Variants in GRIN2A observed in about 807,000 individuals in gnomAD.
GRIN2A encodes the protein glutamate receptor ionotropic, NMDA 2A.
GRIN2A carries 22 observed loss-of-function variants against 113.4 expected under a neutral mutation model. The ratio of observed to expected loss-of-function variants is 0.19; its 90% CI spans 0.14 to 0.28. The LOEUF is 0.28. GRIN2A is among the 10% of genes least tolerant of loss of function. GRIN2A has a pLI of 1.00. For missense variants in GRIN2A, 1,502 were observed against 1,887.0 expected, an observed-to-expected ratio of 0.80 and a Z score of 3.78; for synonymous variants, 827 against 738.4, an observed-to-expected ratio of 1.12 and a Z score of -1.94.
At chr16:10,171,300 G>T (rs1070502) in intron 2 of GRIN2A, among the ~76,000 whole-genome samples, 93,860 of 152,062 alleles carry the variant, frequency 0.62, 29,307 homozygotes, top group Non-Finnish European at 0.65. Flanking sequence ...AACAAATACC[G>T]TTGGAGCTGC....
chr16:10,072,415 C>G (rs2047772032), intron 2 of GRIN2A, among the ~76,000 whole-genome samples: 1 of 152,244 alleles, frequency 6.6e-6, no homozygotes, highest in Non-Finnish European at 1.5e-5. Context: ...TCCGATGCCT[C>G]TCAGCTTTGG....
At chr16:10,147,994 T>C (rs1300710250) in intron 2 of GRIN2A, among the ~76,000 whole-genome samples, 2 of 152,196 alleles carry the variant, frequency 1.3e-5, no homozygotes, top group Non-Finnish European at 2.9e-5. Flanking sequence ...GCATCAGACA[T>C]AATGGAGAAT....
rs551088461 is a variant in GRIN2A, at chr16:10,126,338, T to A, written c.414+53660A>T. ...ACCACACCTGGCTCATTTAAAAAAA[T>A]TATTTTTTGTAGAGAGGGGGGTCTC... On this transcript the variant is annotated intron_variant, in intron 2 of 12. Coordinates refer to ENST00000330684, the MANE Select transcript of GRIN2A (RefSeq NM_001134407.3). Among the ~76,000 whole-genome samples the A allele has an allele frequency of 5.8e-4, 88 of 151,914 alleles. 2 individuals carry two copies. The South Asian group carries it at 0.015, about 26-fold the overall frequency.
At position 10,112,028 on chromosome 16, in the gene GRIN2A, G is replaced by A. The variant is rs535263789; in HGVS notation, c.414+67970C>T. On this transcript the variant is annotated intron_variant, in intron 2 of 12. Coordinates refer to ENST00000330684, the MANE Select transcript of GRIN2A (RefSeq NM_001134407.3). Reference sequence around the variant, plus strand: ...TGCCTGTGGTCAATGATCGCCATGAGCTAGTGGCCATCGTCTCCCACACCA... The same window carrying A: ...TGCCTGTGGTCAATGATCGCCATGAACTAGTGGCCATCGTCTCCCACACCA... 36 of 640,370 alleles carry A rather than the reference G, an allele frequency of 5.6e-5. No individual in the cohort carries two copies. In the African/African-American group the frequency reaches 6.3e-4, roughly 11 times the overall value. 39.7% of individuals were successfully genotyped at this position (640,370 alleles called of 1,614,324 possible).
Position 10,064,025 on chromosome 16 carries a change from G to C in GRIN2A, c.414+115973C>G, listed in dbSNP as rs147994566. Among the ~76,000 whole-genome samples, 227 of 152,238 alleles carry C rather than the reference G, an allele frequency of 1.5e-3. 3 individuals carry two copies. Among genetic ancestry groups the C allele is most frequent in the African/African-American group, 5.3e-3 (221 of 41,530 alleles). Reference sequence around the variant, plus strand: ...ATGGTGAGAACAATAGGATTGTTCTGTTCTGCTTTATTCGAATCATACTGA... The same window carrying C: ...ATGGTGAGAACAATAGGATTGTTCTCTTCTGCTTTATTCGAATCATACTGA... On this transcript the variant is annotated intron_variant, in intron 2 of 12. Coordinates refer to ENST00000330684, the MANE Select transcript of GRIN2A (RefSeq NM_001134407.3).
At chr16:9,787,132 A>G (rs1449468012) in intron 11 of GRIN2A, among the ~76,000 whole-genome samples, 1 of 152,160 alleles carries the variant, frequency 6.6e-6, no homozygotes, top group East Asian at 1.9e-4. Flanking sequence ...TGCATCTTAT[A>G]TATATATTCT....
intron 2 of GRIN2A, among the ~76,000 whole-genome samples, chr16:10,154,221 C>G (rs928563017): frequency 6.6e-6 from 1 of 152,124 alleles, no homozygotes; most frequent in Admixed American, 6.6e-5. Flanking sequence ...ACAAGTGAGG[C>G]GATATGGCGC....
At chr16:9,818,799 G>A (rs1002731497) in intron 10 of GRIN2A, among the ~76,000 whole-genome samples, 1 of 152,140 alleles carries the variant, frequency 6.6e-6, no homozygotes, top group Non-Finnish European at 1.5e-5. Flanking sequence ...ATGCACTGAT[G>A]GGGTAAGTAT....
intron 11 of GRIN2A, among the ~76,000 whole-genome samples, chr16:9,770,486 T>C (rs1901203129): frequency 1.3e-5 from 2 of 152,246 alleles, no homozygotes; most frequent in Non-Finnish European, 2.9e-5. Flanking sequence ...TATTTTTCCT[T>C]GACCTTTTGG....
chr16:9,919,104 C>T (rs189729397), intron 3 of GRIN2A, among the ~76,000 whole-genome samples: 107 of 152,184 alleles, frequency 7.0e-4, no homozygotes, highest in Non-Finnish European at 1.1e-3. Context: ...ACCCGGGAGG[C>T]GGAGGTTGCA....
intron 10 of GRIN2A, among the ~76,000 whole-genome samples, chr16:9,801,329 C>T (rs895053511): frequency 2.6e-5 from 4 of 152,330 alleles, no homozygotes; most frequent in South Asian, 4.1e-4. Context: ...ACCCAACTCT[C>T]GTCTCTCCAT....
At chr16:9,956,111 C>A (rs1478750788) in intron 2 of GRIN2A, among the ~76,000 whole-genome samples, 1 of 152,216 alleles carries the variant, frequency 6.6e-6, no homozygotes, top group Non-Finnish European at 1.5e-5. Context: ...TGGGTGAACA[C>A]TGTGATTTGT....
chr16:9,875,235 AT>A (rs764007063), intron 4 of GRIN2A, among the ~76,000 whole-genome samples: 7 of 151,890 alleles, frequency 4.6e-5, no homozygotes, highest in East Asian at 2.0e-4. Context: ...TCATCATCAT[AT>A]TTTTTTTATA....
intron 2 of GRIN2A, among the ~76,000 whole-genome samples, chr16:10,155,878 A>G (rs1038240371): frequency 2.7e-4 from 41 of 152,184 alleles, no homozygotes; most frequent in African/African-American, 9.9e-4. Flanking sequence ...ATTACCTCCC[A>G]CTGAATCCCT....
intron 1 of GRIN2A, among the ~76,000 whole-genome samples, chr16:10,181,334 G>T (rs2050268465): frequency 1.3e-5 from 2 of 151,778 alleles, no homozygotes. Flanking sequence ...AACGTGCGTA[G>T]GGGGAAAGGT....
At chr16:9,928,777 C>T (rs73502683) in intron 3 of GRIN2A, among the ~76,000 whole-genome samples, 2 of 152,164 alleles carry the variant, frequency 1.3e-5, no homozygotes, top group African/African-American at 4.8e-5. Flanking sequence ...TCCGTCGAGA[C>T]CCAAAGCTTC....
chr16:9,822,440 G>T lies in GRIN2A; in HGVS notation c.2008-16C>A. Reference sequence around the variant, plus strand: ...GTCTCTGAAACTGGAGAGAGAACGAGAAAGGAAGAGAGAGAGTAGGAAAAG... The same window carrying T: ...GTCTCTGAAACTGGAGAGAGAACGATAAAGGAAGAGAGAGAGTAGGAAAAG... On this transcript the variant is annotated splice_polypyrimidine_tract_variant and intron_variant, in intron 9 of 12. Coordinates refer to ENST00000330684, the MANE Select transcript of GRIN2A (RefSeq NM_001134407.3). 1 of 1,551,086 alleles carries T rather than the reference G, an allele frequency of 6.4e-7. No homozygotes were observed. The highest frequency in any genetic ancestry group is 8.9e-7 in the Non-Finnish European group (1 of 1,122,762).
At position 9,756,364 on chromosome 16, in the gene GRIN2A, G is replaced by T; in HGVS notation, c.*6785C>A. The T allele has an allele frequency of 4.3e-6, 1 of 230,618 alleles. No individual in the cohort carries two copies. The highest frequency in any genetic ancestry group is 8.6e-6 in the Non-Finnish European group (1 of 116,372). 14.3% of individuals were successfully genotyped at this position (230,618 alleles called of 1,614,324 possible). On this transcript the variant is annotated 3_prime_UTR_variant, in exon 13 of 13. Transcript: ENST00000330684. Reference sequence around the variant, plus strand: ...GTCTCAGAAGGAACTATGAACAGAGGTGAGATCCCCAGAAGTTCTCCATAC... The same window carrying T: ...GTCTCAGAAGGAACTATGAACAGAGTTGAGATCCCCAGAAGTTCTCCATAC...
intron 2 of GRIN2A, among the ~76,000 whole-genome samples, chr16:10,081,768 G>C (rs1471537360): frequency 6.6e-6 from 1 of 152,166 alleles, no homozygotes; most frequent in Non-Finnish European, 1.5e-5. Flanking sequence ...AAATGGCACA[G>C]TCTCCAAATC....
Sources: allele counts gnomAD v4.1 joint callset (sites outside exome capture counted in the v4.1 genomes callset), GRCh38; gene constraint gnomAD v4.1.1; transcripts MANE v1.5; gene names NCBI Gene and HGNC (gene_info 2026-07-23, HGNC 2026-07-21).